Variants in VAX1 observed in about 807,000 individuals in gnomAD.
VAX1 encodes the protein ventral anterior homeobox 1.
Under a neutral mutation model 17.6 loss-of-function variants are expected in VAX1, and 6 were observed. The ratio of observed to expected loss-of-function variants is 0.34; its 90% CI spans 0.19 to 0.67. The LOEUF is 0.67. Among genes scored for constraint, VAX1 ranks in the 30% least tolerant of loss-of-function variants. VAX1 has a pLI of 0.69. For synonymous variants in VAX1, 256 were observed against 227.4 expected (o/e 1.13, Z -1.13); for missense variants, 408 against 463.7 (o/e 0.88, Z 1.10).
Position 117,133,826 on chromosome 10 carries a change from G to GAAA in VAX1, c.*179_*181dup. 1 of 1,257,098 alleles carries GAAA rather than the reference G, an allele frequency of 8.0e-7. No individual in the cohort carries two copies. Among genetic ancestry groups the GAAA allele is most frequent in the Non-Finnish European group, 1.0e-6 (1 of 994,894 alleles). The allele number at this position is 1,257,098 out of a possible 1,614,324, so 77.9% of individuals were successfully genotyped here. A position where few individuals can be genotyped will look rare whatever the true frequency, so the allele number is the denominator to read the frequency against. ...GAGGAATCTCAGAGGAAAGGTAGTA[G>GAAA]AAAAAAAAAATAGCCCGAATGAGAT... On this transcript the variant is annotated 3_prime_UTR_variant, in exon 3 of 3. Transcript: ENST00000369206.
downstream of VAX1, among the ~76,000 whole-genome samples, chr10:117,132,988 G>A (rs1854111511): frequency 6.6e-6 from 1 of 152,228 alleles, no homozygotes; most frequent in Admixed American, 6.5e-5. The surrounding 1 kb of genome is among the most constrained non-coding windows in gnomAD (Gnocchi z 4.9). Flanking sequence ...CTACGCGCCT[G>A]GGAGGCCGTA....
At chr10:117,129,121 A>G (rs1457474440), downstream of VAX1, 2 of 152,394 alleles carry the variant, frequency 1.3e-5, no homozygotes, top group Non-Finnish European at 2.9e-5. Context: ...ACAAACATTC[A>G]TTGTATTCCT....
In VAX1 at chr10:117,137,718, C is replaced by G; in HGVS notation, c.241+98G>C. 1 of 1,593,722 alleles carries G rather than the reference C, an allele frequency of 6.3e-7. No homozygotes were observed. The highest frequency in any genetic ancestry group is 8.5e-7 in the Non-Finnish European group (1 of 1,177,854). On this transcript the variant is annotated intron_variant, in intron 1 of 2. Coordinates refer to ENST00000369206, the MANE Select transcript of VAX1 (RefSeq NM_001112704.2). This position sits in a 1 kb window ranked among gnomAD's most constrained non-coding sequence, Gnocchi z 7.4. ...CAACAACTTTCTCCCAAGTCCCAGC[C>G]GGCACTCCTTCCCACCGGCCTGTGT...
chr10:117,134,607 G>T lies in VAX1; in HGVS notation c.430-24C>A. 6.6e-7 allele frequency: 1 copy of T among 1,506,638 alleles called. No homozygotes were observed. The allele number at this position is 1,506,638 out of a possible 1,614,324, so 93.3% of individuals were successfully genotyped here. A position where few individuals can be genotyped will look rare whatever the true frequency, so the allele number is the denominator to read the frequency against. ...ACCTGCGCGCCGGGGTGCGGGGAGAGTTGGAGAGAGGGGCAGGGAAGACCA... is the reference window on the plus strand; with the variant it reads ...ACCTGCGCGCCGGGGTGCGGGGAGATTTGGAGAGAGGGGCAGGGAAGACCA... On this transcript the variant is annotated intron_variant, in intron 2 of 2. Coordinates refer to ENST00000369206, the MANE Select transcript of VAX1 (RefSeq NM_001112704.2). The surrounding 1 kb of genome is among the most constrained non-coding windows in gnomAD (Gnocchi z 6.2).
downstream of VAX1, chr10:117,131,195 G>C (rs376433592): frequency 1.4e-4 from 21 of 153,472 alleles, no homozygotes; most frequent in East Asian, 1.5e-3. Context: ...ATGGAGGAGG[G>C]AGACAGGGGG....
In VAX1 at chr10:117,133,648, C is replaced by G. The variant is rs1189093417; in HGVS notation, c.*360G>C. 18 of 1,003,706 alleles carry G rather than the reference C, an allele frequency of 1.8e-5. No individual in the cohort carries two copies. Among genetic ancestry groups the G allele is most frequent in the Non-Finnish European group, 2.1e-5 (18 of 842,594 alleles). The allele number at this position is 1,003,706 out of a possible 1,614,324, so 62.2% of individuals were successfully genotyped here. On this transcript the variant is annotated 3_prime_UTR_variant, in exon 3 of 3. Coordinates refer to ENST00000369206, the MANE Select transcript of VAX1 (RefSeq NM_001112704.2). ...GCAGCGGCAGCAGCCGCAGCAGCCG[C>G]GGATCTAGAGCAAACGTCCTGTGCT...
In VAX1 at chr10:117,137,945, T is replaced by TC; in HGVS notation, c.111dup (p.Asn38GlufsTer21). 1 of 1,613,570 alleles carries TC rather than the reference T, an allele frequency of 6.2e-7. No homozygotes were observed. The highest frequency in any genetic ancestry group is 8.5e-7 in the Non-Finnish European group (1 of 1,179,930). ...TCCTTGAGGAAGGCGGCTGGGAGGT[T>TC]CCCCTCCGCGCCCTTGCTCTCCCGA... On this transcript the variant is annotated frameshift_variant, in exon 1 of 3. Coordinates refer to ENST00000369206, the MANE Select transcript of VAX1 (RefSeq NM_001112704.2). LOFTEE classifies it high-confidence loss of function. This position sits in a 1 kb window ranked among gnomAD's most constrained non-coding sequence, Gnocchi z 7.4.
chr10:117,133,966 A>C lies in VAX1; in HGVS notation c.*42T>G. On this transcript the variant is annotated 3_prime_UTR_variant, in exon 3 of 3. Transcript: ENST00000369206. Reference sequence around the variant, plus strand: ...TGCGCGTGAGTCCATAAATATCACCACAATAGATACTATAAATATAAATAC... The same window carrying C: ...TGCGCGTGAGTCCATAAATATCACCCCAATAGATACTATAAATATAAATAC... 6.8e-7 allele frequency: 1 copy of C among 1,480,370 alleles called. No homozygotes were observed. The highest frequency in any genetic ancestry group is 8.9e-7 in the Non-Finnish European group (1 of 1,121,106). 91.7% of individuals were successfully genotyped at this position (1,480,370 alleles called of 1,614,324 possible). A position where few individuals can be genotyped will look rare whatever the true frequency, so the allele number is the denominator to read the frequency against.
Position 117,137,276 on chromosome 10 carries a change from G to A in VAX1, c.241+540C>T, listed in dbSNP as rs1854197086. 6.6e-6 allele frequency among the ~76,000 whole-genome samples: 1 copy of A among 152,094 alleles called. No individual in the cohort carries two copies. Among genetic ancestry groups the A allele is most frequent in the Non-Finnish European group, 1.5e-5 (1 of 68,000 alleles). ...GCAGAGCACCAAAGCGGCAACCGCG[G>A]CTCCGTAACCAAGCCCAGCTGCCTC... On this transcript the variant is annotated intron_variant, in intron 1 of 2. Coordinates refer to ENST00000369206, the MANE Select transcript of VAX1 (RefSeq NM_001112704.2). This position sits in a 1 kb window ranked among gnomAD's most constrained non-coding sequence, Gnocchi z 7.4.
chr10:117,137,793 C>T lies in VAX1; in HGVS notation c.241+23G>A. The T allele has an allele frequency of 6.2e-7, 1 of 1,610,542 alleles. No individual in the cohort carries two copies. Among genetic ancestry groups the T allele is most frequent in the Non-Finnish European group, 8.5e-7 (1 of 1,179,838 alleles). The stretch of plus-strand genomic sequence containing the variant: ...CCGGAGTCGACCCCAAAGAACGCGC[C>T]TGGCAGCCCTGCCCATCCCTACCTC... On this transcript the variant is annotated intron_variant, in intron 1 of 2. Coordinates refer to ENST00000369206, the MANE Select transcript of VAX1 (RefSeq NM_001112704.2). This position sits in a 1 kb window ranked among gnomAD's most constrained non-coding sequence, Gnocchi z 7.4.
At position 117,137,717 on chromosome 10, in the gene VAX1, C is replaced by A. The variant is rs891889555; in HGVS notation, c.241+99G>T. The stretch of plus-strand genomic sequence containing the variant: ...CCAACAACTTTCTCCCAAGTCCCAG[C>A]CGGCACTCCTTCCCACCGGCCTGTG... On this transcript the variant is annotated intron_variant, in intron 1 of 2. Transcript: ENST00000369206. This position sits in a 1 kb window ranked among gnomAD's most constrained non-coding sequence, Gnocchi z 7.4. 7.0e-5 allele frequency: 112 copies of A among 1,592,774 alleles called. No homozygotes were observed. The highest frequency in any genetic ancestry group is 9.3e-5 in the Non-Finnish European group (110 of 1,177,540).
At position 117,136,355 on chromosome 10, in the gene VAX1, C is replaced by T. The variant is rs1589947194; in HGVS notation, c.429+117G>A. 2 of 1,286,918 alleles carry T rather than the reference C, an allele frequency of 1.6e-6. No homozygotes were observed. Among genetic ancestry groups the T allele is most frequent in the Non-Finnish European group, 2.1e-6 (2 of 940,160 alleles). 79.7% of individuals were successfully genotyped at this position (1,286,918 alleles called of 1,614,324 possible). ...CTGTCTTACCCATCCTTCCCATCTCCTCCACCTCCCAAGGGTAGTTCTGTC... is the reference window on the plus strand; with the variant it reads ...CTGTCTTACCCATCCTTCCCATCTCTTCCACCTCCCAAGGGTAGTTCTGTC... On this transcript the variant is annotated intron_variant, in intron 2 of 2. Coordinates refer to ENST00000369206, the MANE Select transcript of VAX1 (RefSeq NM_001112704.2). The surrounding 1 kb of genome is among the most constrained non-coding windows in gnomAD (Gnocchi z 5.0).
Position 117,138,048 on chromosome 10 carries a change from C to T in VAX1, c.9G>A (p.Gly3=). The change falls in exon 1 of 3, where the codon GGG becomes GGA. Residue 3 remains glycine (G), a synonymous_variant. Transcript: ENST00000369206. MF[G]KPDKMDVRCH... ...ATCGAACGTCCATTTTGTCTGGTTTCCCGAACATAGGCAAGAACAACAACA... is the reference window on the plus strand; with the variant it reads ...ATCGAACGTCCATTTTGTCTGGTTTTCCGAACATAGGCAAGAACAACAACA... 1 of 1,580,138 alleles carries T rather than the reference C, an allele frequency of 6.3e-7. No homozygotes were observed.
In VAX1 at chr10:117,136,936, C is replaced by T. The variant is rs1854188973; in HGVS notation, c.242-277G>A. On this transcript the variant is annotated intron_variant, in intron 1 of 2. Coordinates refer to ENST00000369206, the MANE Select transcript of VAX1 (RefSeq NM_001112704.2). This position sits in a 1 kb window ranked among gnomAD's most constrained non-coding sequence, Gnocchi z 5.0. Reference sequence around the variant, plus strand: ...ATCCAATCAATTCCACATAGGCGGACGTTTCTTCCGGCCTGGGGGGGCCTC... The same window carrying T: ...ATCCAATCAATTCCACATAGGCGGATGTTTCTTCCGGCCTGGGGGGGCCTC... Among the ~76,000 whole-genome samples, 2 of 152,198 alleles carry T rather than the reference C, an allele frequency of 1.3e-5. No homozygotes were observed. Among genetic ancestry groups the T allele is most frequent in the Non-Finnish European group, 2.9e-5 (2 of 68,022 alleles).
downstream of VAX1, chr10:117,129,643 A>G (rs892333345): frequency 1.3e-5 from 1 of 76,458 alleles, no homozygotes; most frequent in Non-Finnish European, 2.5e-5. Flanking sequence ...GCCATTCAAG[A>G]AGGGGTGTGT....
chr10:117,134,359 G>T lies in VAX1; in HGVS notation c.654C>A (p.Gly218=). Residue 218 remains glycine, a synonymous_variant, in exon 3 of 3, where the codon GGC becomes GGA. Coordinates refer to ENST00000369206, the MANE Select transcript of VAX1 (RefSeq NM_001112704.2). The surrounding 1 kb of genome is among the most constrained non-coding windows in gnomAD (Gnocchi z 6.2). ...CGGCCGAGCCTGCAGCGGCGCCCGC[G>T]CCCAGGGCCGGCAAGCTGGGCCCGC... The part of the protein sequence containing the change: ...ALRGPSLPAL[G]AGAAAGSAAA... 1 of 1,155,696 alleles carries T rather than the reference G, an allele frequency of 8.7e-7. No individual in the cohort carries two copies. The allele number at this position is 1,155,696 out of a possible 1,614,324, so 71.6% of individuals were successfully genotyped here. A position where few individuals can be genotyped will look rare whatever the true frequency, so the allele number is the denominator to read the frequency against.
Position 117,137,864 on chromosome 10 carries a change from A to T in VAX1, c.193T>A (p.Ser65Thr). ...TAATCCGGGTCCGCTGCGGAATTGG[A>T]TTTACTTTTGTTACAATCCTCAGCA... Reference protein sequence around the residue: ...GAAEDCNKSKSNSAADPDYCR... With the variant: ...GAAEDCNKSKTNSAADPDYCR... The change falls in exon 1 of 3, where the codon TCC becomes ACC. Residue 65 changes from serine to threonine, a missense_variant. Ser to Thr is a moderately conservative substitution (Grantham distance 58, BLOSUM62 1). Transcript: ENST00000369206. The surrounding 1 kb of genome is among the most constrained non-coding windows in gnomAD (Gnocchi z 7.4). 2 of 1,613,544 alleles carry T rather than the reference A, an allele frequency of 1.2e-6. No homozygotes were observed. Among genetic ancestry groups the T allele is most frequent in the Non-Finnish European group, 1.7e-6 (2 of 1,179,954 alleles).
chr10:117,137,684 G>A lies in VAX1; in HGVS notation c.241+132C>T. The A allele has an allele frequency of 1.3e-6, 2 of 1,558,312 alleles. No individual in the cohort carries two copies. The highest frequency in any genetic ancestry group is 1.2e-5 in the South Asian group (1 of 86,694). ...GCTTGTCCCCAGCCGGACTCGGGGCGGGGAGGGCCAACAACTTTCTCCCAA... is the reference window on the plus strand; with the variant it reads ...GCTTGTCCCCAGCCGGACTCGGGGCAGGGAGGGCCAACAACTTTCTCCCAA... On this transcript the variant is annotated intron_variant, in intron 1 of 2. Coordinates refer to ENST00000369206, the MANE Select transcript of VAX1 (RefSeq NM_001112704.2). This position sits in a 1 kb window ranked among gnomAD's most constrained non-coding sequence, Gnocchi z 7.4.
Position 117,134,329 on chromosome 10 carries a change from T to G in VAX1, c.684A>C (p.Ala228=), listed in dbSNP as rs1589946244. ...GAGAAAGSAA[A]AAAAAPGPAG... ...CTGGGCCCGGGGCGGCGGCGGCGGCTGCGGCGGCCGAGCCTGCAGCGGCGC... is the reference window on the plus strand; with the variant it reads ...CTGGGCCCGGGGCGGCGGCGGCGGCGGCGGCGGCCGAGCCTGCAGCGGCGC... The change falls in exon 3 of 3, where the codon GCA becomes GCC. Residue 228 remains alanine, a synonymous_variant. Coordinates refer to ENST00000369206, the MANE Select transcript of VAX1 (RefSeq NM_001112704.2). This position sits in a 1 kb window ranked among gnomAD's most constrained non-coding sequence, Gnocchi z 6.2. 1.2e-5 allele frequency: 13 copies of G among 1,041,262 alleles called. No individual in the cohort carries two copies. In the East Asian group the frequency reaches 3.2e-4, roughly 26 times the overall value. 64.5% of individuals were successfully genotyped at this position (1,041,262 alleles called of 1,614,324 possible).
Sources: allele counts gnomAD v4.1 joint callset (sites outside exome capture counted in the v4.1 genomes callset), GRCh38; gene constraint gnomAD v4.1.1; non-coding constraint Gnocchi (gnomAD v3.1); transcripts MANE v1.5; gene names NCBI Gene and HGNC (gene_info 2026-07-23, HGNC 2026-07-21).